STXBP4: variants seen among roughly 807,000 people sequenced by gnomAD.
STXBP4 encodes the protein syntaxin binding protein 4, also known as syntaxin-binding protein 4.
STXBP4 carries 55 observed loss-of-function variants against 76.1 expected under a neutral mutation model. That is an observed-to-expected ratio of 0.72 (90% CI 0.58 to 0.91). The LOEUF (loss-of-function observed/expected upper bound fraction) is 0.91. Among genes scored for constraint, STXBP4 ranks in the 40% least tolerant of loss-of-function variants. STXBP4 has a pLI of 0.00. For synonymous variants in STXBP4, 201 were observed against 220.2 expected (o/e 0.91, Z 0.77); for missense variants, 618 against 636.9 (o/e 0.97, Z 0.32).
At chr17:55,005,312 A>T (rs777285113) in intron 7 of STXBP4, among the ~76,000 whole-genome samples, 2 of 152,018 alleles carry the variant, frequency 1.3e-5, no homozygotes, top group African/African-American at 4.8e-5. Context: ...AAGAGATTAG[A>T]CTCGTGACAT....
At chr17:55,059,294 ATAAT>A (rs1329228480) in intron 12 of STXBP4, among the ~76,000 whole-genome samples, 2 of 152,168 alleles carry the variant, frequency 1.3e-5, no homozygotes, top group Non-Finnish European at 2.9e-5. Flanking sequence ...AAAAGGATTT[ATAAT>A]TAATTAATTT....
the STXBP4 span, among the ~76,000 whole-genome samples, chr17:55,198,348 G>A: frequency 5.3e-5 from 8 of 152,300 alleles, no homozygotes; most frequent in Non-Finnish European, 1.0e-4. Context: ...AGAAGTCAGC[G>A]TAAATTGGCC....
At chr17:55,087,634 G>T (rs1427727931) in intron 16 of STXBP4, among the ~76,000 whole-genome samples, 1 of 152,086 alleles carries the variant, frequency 6.6e-6, no homozygotes, top group Non-Finnish European at 1.5e-5. Context: ...TGCTGTTTTG[G>T]TTACTGCAGC....
chr17:55,142,746 A>T (rs1303532302), intron 17 of STXBP4, among the ~76,000 whole-genome samples: 1 of 152,242 alleles, frequency 6.6e-6, no homozygotes, highest in African/African-American at 2.4e-5. Flanking sequence ...AAGTGTTTTC[A>T]TGCTGAATTT....
chr17:55,059,825 T>C (rs1419534699), intron 12 of STXBP4, among the ~76,000 whole-genome samples: 1 of 152,094 alleles, frequency 6.6e-6, no homozygotes, highest in African/African-American at 2.4e-5. Context: ...GTAATCATAA[T>C]AGTAATATAC....
chr17:55,133,243 C>T (rs949932683), intron 16 of STXBP4, among the ~76,000 whole-genome samples: 2 of 151,906 alleles, frequency 1.3e-5, no homozygotes, highest in African/African-American at 4.8e-5. Flanking sequence ...TGGTTGATTA[C>T]ATATGGGATG....
At chr17:55,054,145 A>G (rs1352978460) in intron 12 of STXBP4, among the ~76,000 whole-genome samples, 1 of 152,204 alleles carries the variant, frequency 6.6e-6, no homozygotes, top group African/African-American at 2.4e-5. Context: ...AGACAAAAAA[A>G]TGAATATATG....
At chr17:54,999,904 A>T (rs1310802187) in intron 6 of STXBP4, 62 bp downstream of exon 6, 22 of 1,107,152 alleles carry the variant, frequency 2.0e-5, no homozygotes, top group Non-Finnish European at 2.9e-5. Context: ...ATACATTTTT[A>T]CATTGGTTAT....
intron 12 of STXBP4, among the ~76,000 whole-genome samples, chr17:55,068,197 A>G (rs551840352): frequency 6.6e-6 from 1 of 152,254 alleles, no homozygotes; most frequent in South Asian, 2.1e-4. Context: ...TAATAGTACC[A>G]AGACCAAGAA....
Position 54,990,866 on chromosome 17 carries a change from G to T in STXBP4, c.89G>T (p.Gly30Val). ...ATGATTACAATTGCCAAGGAAACAG[G>T]CCTTGGCCTGAAGGTACTAGGAGGA... is the stretch of plus-strand genomic sequence containing the variant. ...FQMITIAKET[G>V]LGLKVLGGIN... Residue 30 changes from glycine (G) to valine (V), a missense_variant, in exon 4 of 18, where the codon GGC becomes GTC. Coordinates refer to ENST00000376352, the MANE Select transcript of STXBP4 (RefSeq NM_178509.6). 1 of 1,604,538 alleles carries T rather than the reference G, an allele frequency of 6.2e-7. No individual in the cohort carries two copies. Among genetic ancestry groups the T allele is most frequent in the Non-Finnish European group, 8.5e-7 (1 of 1,177,016 alleles).
chr17:55,197,559 C>T, the STXBP4 span, among the ~76,000 whole-genome samples: 2 of 152,014 alleles, frequency 1.3e-5, no homozygotes, highest in African/African-American at 2.4e-5. Context: ...CTGGCCAACA[C>T]GGTGAAATCC....
At chr17:55,181,321 C>A in the STXBP4 span, among the ~76,000 whole-genome samples, 9 of 152,178 alleles carry the variant, frequency 5.9e-5, no homozygotes, top group African/African-American at 2.2e-4. Flanking sequence ...TTAAATAAAT[C>A]TTAAATTAAA....
At chr17:55,193,372 C>CA in the STXBP4 span, among the ~76,000 whole-genome samples, 1 of 151,928 alleles carries the variant, frequency 6.6e-6, no homozygotes, top group Non-Finnish European at 1.5e-5. Context: ...TGAAAGCAGG[C>CA]AAAAAAGTTT....
At chr17:55,097,392 G>C (rs903757824) in intron 16 of STXBP4, among the ~76,000 whole-genome samples, 1 of 152,068 alleles carries the variant, frequency 6.6e-6, no homozygotes, top group Non-Finnish European at 1.5e-5. Context: ...GACCGGGCGC[G>C]GTGGCTCATG....
intron 13 of STXBP4, among the ~76,000 whole-genome samples, chr17:55,076,512 G>A (rs1209007976): frequency 2.0e-5 from 3 of 151,932 alleles, no homozygotes; most frequent in Admixed American, 6.6e-5. Flanking sequence ...TTTTTATTTC[G>A]TGTTTGTGAT....
At chr17:55,049,164 T>G (rs554384033) in intron 12 of STXBP4, among the ~76,000 whole-genome samples, 3 of 152,092 alleles carry the variant, frequency 2.0e-5, no homozygotes, top group African/African-American at 7.2e-5. Flanking sequence ...AACCTGACTT[T>G]AAAATATCAA....
intron 12 of STXBP4, among the ~76,000 whole-genome samples, chr17:55,063,758 T>C (rs1212115408): frequency 2.0e-5 from 3 of 152,202 alleles, no homozygotes; most frequent in Admixed American, 2.0e-4. Flanking sequence ...CATATCTATA[T>C]AGGAAAGTAG....
chr17:55,095,390 G>T (rs142717262), intron 16 of STXBP4, among the ~76,000 whole-genome samples: 1 of 152,220 alleles, frequency 6.6e-6, no homozygotes. Context: ...ACATCCTCCC[G>T]CAAGGCCTGA....
At chr17:55,102,958 A>G (rs1285442065) in intron 16 of STXBP4, among the ~76,000 whole-genome samples, 1 of 151,936 alleles carries the variant, frequency 6.6e-6, no homozygotes, top group African/African-American at 2.4e-5. Flanking sequence ...TCCTTTGCCC[A>G]CTTTTTGATG....
Sources: allele counts gnomAD v4.1 joint callset (sites outside exome capture counted in the v4.1 genomes callset), GRCh38; gene constraint gnomAD v4.1.1; transcripts MANE v1.5; gene names NCBI Gene and HGNC (gene_info 2026-07-23, HGNC 2026-07-21).